The following ZNF283 variants were observed in gnomAD, a reference collection of about 807,000 sequenced individuals.
ZNF283 encodes zinc finger protein 41.
In ZNF283, 10 loss-of-function variants were observed where a neutral mutation model predicts 9.2. The observed-to-expected ratio is 1.09, with a 90% confidence interval of 0.67 to 1.85. The LOEUF (loss-of-function observed/expected upper bound fraction) is 1.85, where lower values mean the gene tolerates loss of function less well. ZNF283 is among the 40% of genes most tolerant of loss of function. ZNF283 has a pLI of 0.00. For missense variants in ZNF283, 631 were observed against 760.1 expected (o/e 0.83, Z 2.00); for synonymous variants, 234 against 244.1 (o/e 0.96, Z 0.38).
rs1158671062 is a variant in ZNF283 at position 43,850,034 on chromosome 19, T to A, written c.*1393T>A. Reference sequence around the variant, plus strand: ...CAGTATAAAGAATTTGAGGGGATTTTAATTCAGAGTTTATCCCTTAAGCTG... The same window carrying A: ...CAGTATAAAGAATTTGAGGGGATTTAAATTCAGAGTTTATCCCTTAAGCTG... On this transcript the variant is annotated 3_prime_UTR_variant, in exon 7 of 7. Transcript: ENST00000618787. 1.3e-5 allele frequency: 2 copies of A among 152,134 alleles called. No individual in the cohort carries two copies. The highest frequency in any genetic ancestry group is 2.9e-5 in the Non-Finnish European group (2 of 68,002). 9.4% of individuals were successfully genotyped at this position (152,134 alleles called of 1,614,324 possible).
chr19:43,846,952 A>T lies in ZNF283; in HGVS notation c.351A>T (p.Lys117Asn). Reference sequence around the variant, plus strand: ...GTTTTCTTTCAGATTTGGAGTCAAAAACGTATGAGACCAAAAAAATATTTT... The same window carrying T: ...GTTTTCTTTCAGATTTGGAGTCAAATACGTATGAGACCAAAAAAATATTTT... ...SNLVSLDLESKTYETKKIFSE... is the reference protein window; with the variant it reads ...SNLVSLDLESNTYETKKIFSE... The change falls in exon 7 of 7, where the codon AAA becomes AAT. Residue 117 changes from lysine to asparagine, a missense_variant. By Grantham distance (94) the Lys-to-Asn change is moderately conservative. Transcript: ENST00000618787. 6.4e-7 allele frequency: 1 copy of T among 1,565,360 alleles called. No individual in the cohort carries two copies. Among genetic ancestry groups the T allele is most frequent in the Non-Finnish European group, 8.6e-7 (1 of 1,156,220 alleles).
rs349037 is a variant in ZNF283, at chr19:43,846,810, A to G, written c.338-129A>G. On this transcript the variant is annotated intron_variant, in intron 6 of 6. Transcript: ENST00000618787. Reference sequence around the variant, plus strand: ...TCAAGGCTGAGTTTGTTATTTAACAAGGGAGTGCCTTAATGCCAAGGAGTG... The same window carrying G: ...TCAAGGCTGAGTTTGTTATTTAACAGGGGAGTGCCTTAATGCCAAGGAGTG... The G allele has an allele frequency of 0.84, 532,880 of 635,580 alleles. 225,722 individuals are homozygous for G. Among genetic ancestry groups the G allele is most frequent in the African/African-American group, 0.94 (50,537 of 53,538 alleles). 39.4% of individuals were successfully genotyped at this position (635,580 alleles called of 1,614,324 possible). A position where few individuals can be genotyped will look rare whatever the true frequency, so the allele number is the denominator to read the frequency against.
Position 43,848,766 on chromosome 19 carries a change from C to G in ZNF283, c.*125C>G. ...AAAGCCATTCATTTCTGTTTATGGGCAATTATCTTGCTATCCAGCAATTCA... is the reference window on the plus strand; with the variant it reads ...AAAGCCATTCATTTCTGTTTATGGGGAATTATCTTGCTATCCAGCAATTCA... On this transcript the variant is annotated 3_prime_UTR_variant, in exon 7 of 7. Transcript: ENST00000618787. 1 of 913,576 alleles carries G rather than the reference C, an allele frequency of 1.1e-6. No individual in the cohort carries two copies. Among genetic ancestry groups the G allele is most frequent in the Non-Finnish European group, 1.6e-6 (1 of 642,122 alleles). 56.6% of individuals were successfully genotyped at this position (913,576 alleles called of 1,614,324 possible).
In ZNF283 at chr19:43,849,711, A is replaced by G. The variant is rs1301316158; in HGVS notation, c.*1070A>G. 1 of 152,226 alleles carries G rather than the reference A, an allele frequency of 6.6e-6. No individual in the cohort carries two copies. Among genetic ancestry groups the G allele is most frequent in the African/African-American group, 2.4e-5 (1 of 41,454 alleles). 9.4% of individuals were successfully genotyped at this position (152,226 alleles called of 1,614,324 possible). A position where few individuals can be genotyped will look rare whatever the true frequency, so the allele number is the denominator to read the frequency against. On this transcript the variant is annotated 3_prime_UTR_variant, in exon 7 of 7. Transcript: ENST00000618787. ...ATTTCACCTCCATACTACCTGTAGG[A>G]TGGTGAGCAAAATGCTTATCTCTTC... is the stretch of plus-strand genomic sequence containing the variant.
Position 43,851,608 on chromosome 19 carries a change from CG to C in ZNF283, c.*2971del, listed in dbSNP as rs1306409123. ...GCGGGCGCCTGTGGTCCCAGCTACT[CG>C]GGGAGGCTGAGGCAGGAGAATGGCG... On this transcript the variant is annotated 3_prime_UTR_variant, in exon 7 of 7. Transcript: ENST00000618787. 1 of 152,104 alleles carries C rather than the reference CG, an allele frequency of 6.6e-6. No individual in the cohort carries two copies. Among genetic ancestry groups the C allele is most frequent in the African/African-American group, 2.4e-5 (1 of 41,364 alleles). The allele number at this position is 152,104 out of a possible 1,614,324, so 9.4% of individuals were successfully genotyped here.
rs771284063 is a variant in ZNF283, at chr19:43,846,988, T to G, written c.387T>G (p.Asp129Glu). 6.3e-7 allele frequency: 1 copy of G among 1,585,430 alleles called. No individual in the cohort carries two copies. The highest frequency in any genetic ancestry group is 8.6e-7 in the Non-Finnish European group (1 of 1,167,736). The stretch of plus-strand genomic sequence containing the variant: ...CCAAAAAAATATTTTCAGAAAATGA[T>G]ATTTTTGAAATAAATTTTTCCCAGT... ...YETKKIFSEN[D>E]IFEINFSQWE... Residue 129 changes from aspartate to glutamate, a missense_variant, in exon 7 of 7, where the codon GAT becomes GAG. This residue lies in a region of ZNF283 where 184 missense variants were observed against 220.0 expected (regional missense o/e 0.84). Transcript: ENST00000618787.
intron 2 of ZNF283, 66 bp from the exon 3 acceptor site, chr19:43,831,252 T>G: frequency 8.7e-7 from 1 of 1,145,204 alleles, no homozygotes; most frequent in Non-Finnish European, 1.3e-6. Context: ...TACTGTTTTG[T>G]TTATGCACAT....
In ZNF283 at chr19:43,848,268, A is replaced by G. The variant is rs767300949; in HGVS notation, c.1667A>G (p.Tyr556Cys). The G allele has an allele frequency of 1.2e-6, 2 of 1,613,304 alleles. No homozygotes were observed. Among genetic ancestry groups the G allele is most frequent in the African/African-American group, 1.3e-5 (1 of 74,882 alleles). The change falls in exon 7 of 7, where the codon TAT becomes TGT. Residue 556 changes from tyrosine to cysteine, a missense_variant. By Grantham distance (194) the Tyr-to-Cys change is radical. Coordinates refer to ENST00000618787, the MANE Select transcript of ZNF283 (RefSeq NM_181845.2). ...TGTGGGAAGGCTTTTAGTCGTGGCT[A>G]TCACCTTACTCAACATCAGAAAATT... is the stretch of plus-strand genomic sequence containing the variant. ...KECGKAFSRG[Y>C]HLTQHQKIHT...
intron 3 of ZNF283, among the ~76,000 whole-genome samples, chr19:43,832,913 A>G (rs1309480728): frequency 6.6e-6 from 1 of 151,502 alleles, no homozygotes; most frequent in Non-Finnish European, 1.5e-5. Flanking sequence ...GGTTCTAGCT[A>G]CTGGGGATGG....
chr19:43,842,859 G>GA (rs1391139971), intron 6 of ZNF283, among the ~76,000 whole-genome samples: 4 of 152,056 alleles, frequency 2.6e-5, no homozygotes, highest in African/African-American at 4.8e-5. Flanking sequence ...AATGTGTTAA[G>GA]AAAAAACCCA....
chr19:43,838,705 T>A (rs1203944904), intron 6 of ZNF283, among the ~76,000 whole-genome samples: 1 of 152,236 alleles, frequency 6.6e-6, no homozygotes, highest in Non-Finnish European at 1.5e-5. Flanking sequence ...ATGGGCTATA[T>A]TCTGTTTTTT....
At chr19:43,829,080 T>C (rs980029963) in intron 2 of ZNF283, among the ~76,000 whole-genome samples, 3 of 152,146 alleles carry the variant, frequency 2.0e-5, no homozygotes, top group Non-Finnish European at 4.4e-5. Context: ...CCGTACTATG[T>C]TGTAGTTAAA....
intron 6 of ZNF283, 94 bp downstream of exon 6, chr19:43,837,273 G>T (rs1179489731): frequency 7.6e-7 from 1 of 1,321,934 alleles, no homozygotes; most frequent in Non-Finnish European, 1.0e-6. Flanking sequence ...AAGAAACCAG[G>T]TGAATTTCTT....
chr19:43,835,615 ATGAAATAC>A, intron 5 of ZNF283, 23 bp downstream of exon 5: 1 of 1,514,764 alleles, frequency 6.6e-7, no homozygotes, highest in Non-Finnish European at 9.1e-7. Flanking sequence ...TTTTCTCTCC[ATGAAATAC>A]TGTGATTTTT....
chr19:43,847,197 G>T lies in ZNF283; in HGVS notation c.596G>T (p.Arg199Ile), dbSNP rs768821780. 3.7e-6 allele frequency: 6 copies of T among 1,613,666 alleles called. No individual in the cohort carries two copies. The South Asian group carries it at 6.6e-5, about 18-fold the overall frequency. ...AGTAAATCTCTTACTCCACATCAAA[G>T]AATTCATAATACAGAGAAATCCTAT... ...RKSKSLTPHQ[R>I]IHNTEKSYVC... Residue 199 changes from arginine to isoleucine, a missense_variant, in exon 7 of 7, where the codon AGA becomes ATA. This residue lies in a region of ZNF283 where 184 missense variants were observed against 220.0 expected (regional missense o/e 0.84). Transcript: ENST00000618787.
At chr19:43,834,687 C>A (rs1217155794) in intron 4 of ZNF283, among the ~76,000 whole-genome samples, 2 of 152,040 alleles carry the variant, frequency 1.3e-5, no homozygotes, top group Non-Finnish European at 2.9e-5. Context: ...GCTCTGCCTC[C>A]CGGGTTCACG....
intron 6 of ZNF283, chr19:43,837,506 T>G (rs1271425675): frequency 5.2e-6 from 2 of 382,346 alleles, no homozygotes; most frequent in East Asian, 7.6e-5. Flanking sequence ...AAATATTATA[T>G]TGAATATCTA....
rs1341459151 is a variant in ZNF283 at position 43,847,421 on chromosome 19, TG to T, written c.824del (p.Gly275AspfsTer42). The T allele has an allele frequency of 6.2e-7, 1 of 1,613,748 alleles. No homozygotes were observed. Among genetic ancestry groups the T allele is most frequent in the East Asian group, 2.2e-5 (1 of 44,870 alleles). ...TAAGGAATGTGGGAAGACCTTTAGC[TG>T]GGGATCAAGCCTTGTTAAACATGAG... ...ECKECGKTFS[W>X]GSSLVKHERI... On this transcript the variant is annotated frameshift_variant, in exon 7 of 7. Transcript: ENST00000618787. LOFTEE classifies it low-confidence loss of function (END_TRUNC).
Position 43,848,981 on chromosome 19 carries a change from G to A in ZNF283, c.*340G>A. The A allele has an allele frequency of 3.2e-5, 5 of 156,456 alleles. No individual in the cohort carries two copies. Among genetic ancestry groups the A allele is most frequent in the South Asian group, 4.1e-4 (2 of 4,836 alleles). The allele number at this position is 156,456 out of a possible 1,614,324, so 9.7% of individuals were successfully genotyped here. A position where few individuals can be genotyped will look rare whatever the true frequency, so the allele number is the denominator to read the frequency against. ...TATTTGTTAAAAAGAGTTTAAATAG[G>A]AGGAATGTGGGAAGGACCTAAACTT... On this transcript the variant is annotated 3_prime_UTR_variant, in exon 7 of 7. Coordinates refer to ENST00000618787, the MANE Select transcript of ZNF283 (RefSeq NM_181845.2).
Sources: gnomAD v4.1 joint callset for allele counts (sites outside exome capture counted in the v4.1 genomes callset) on GRCh38, gnomAD v4.1.1 for gene constraint, gnomAD v4.1.1 regional missense constraint, MANE v1.5 for transcripts, NCBI Gene and HGNC (gene_info 2026-07-23, HGNC 2026-07-21) for gene names.